ESR1: variants seen among roughly 807,000 people sequenced by gnomAD.
ESR1 encodes estrogen receptor 1, also known as estrogen receptor.
Under a neutral mutation model 52.7 loss-of-function variants are expected in ESR1, and 12 were observed. That is an observed-to-expected ratio of 0.23 (90% CI 0.15 to 0.37). ESR1 has a LOEUF of 0.37. ESR1 is among the 10% of genes least tolerant of loss of function. The pLI, the probability that ESR1 is intolerant of heterozygous loss-of-function variation, is 1.00. For synonymous variants in ESR1, 305 were observed against 316.8 expected, an observed-to-expected ratio of 0.96 and a Z score of 0.39; for missense variants, 584 against 779.7, an observed-to-expected ratio of 0.75 and a Z score of 2.99.
At chr6:151,729,988 A>G (rs1176962251) in intron 2 of ESR1, among the ~76,000 whole-genome samples, 1 of 152,162 alleles carries the variant, frequency 6.6e-6, no homozygotes, top group Non-Finnish European at 1.5e-5. Context: ...GCATCACCTT[A>G]GTCTTGGTCT....
rs974180516 is a variant in ESR1, at chr6:151,843,826, G to T, written c.643+1039G>T. 2.0e-5 allele frequency among the ~76,000 whole-genome samples: 3 copies of T among 151,900 alleles called. No individual in the cohort carries two copies. In the South Asian group the frequency reaches 6.2e-4, roughly 32 times the overall value. Reference sequence around the variant, plus strand: ...AAGAAGTGATTCTCATGGACTTTCTGTGATAGCTCTTTCCTGCCCTGATAT... The same window carrying T: ...AAGAAGTGATTCTCATGGACTTTCTTTGATAGCTCTTTCCTGCCCTGATAT... On this transcript the variant is annotated intron_variant, in intron 2 of 7. Coordinates refer to ENST00000206249, the MANE Select transcript of ESR1 (RefSeq NM_000125.4).
intron 3 of ESR1, among the ~76,000 whole-genome samples, chr6:151,942,174 A>G (rs2035148176): frequency 6.6e-6 from 1 of 152,228 alleles, no homozygotes; most frequent in South Asian, 2.1e-4. Context: ...ATCCAGGACA[A>G]TGGCTGGTCA....
chr6:151,826,670 C>T (rs1037951630), intron 1 of ESR1, among the ~76,000 whole-genome samples: 1 of 152,202 alleles, frequency 6.6e-6, no homozygotes, highest in African/African-American at 2.4e-5. Flanking sequence ...GCTCTTACCT[C>T]ACTCTGTTGA....
intron 2 of ESR1, among the ~76,000 whole-genome samples, chr6:151,859,866 G>A (rs1162478546): frequency 6.6e-6 from 1 of 152,112 alleles, no homozygotes; most frequent in Non-Finnish European, 1.5e-5. Flanking sequence ...TACTATGTTT[G>A]ATGTCTCTGA....
intron 1 of ESR1, among the ~76,000 whole-genome samples, chr6:151,699,914 A>G (rs73005768): frequency 0.023 from 3,462 of 152,286 alleles, 60 homozygotes; most frequent in Non-Finnish European, 0.037. Flanking sequence ...CAGATAATAT[A>G]TAACCAGAAA....
upstream of ESR1, chr6:151,807,638 GC>G (rs1778090552): frequency 1.7e-6 from 1 of 575,934 alleles, no homozygotes; most frequent in African/African-American, 1.9e-5. Context: ...ATGCATATGA[GC>G]TCGGGAGACC....
intron 4 of ESR1, among the ~76,000 whole-genome samples, chr6:152,004,214 G>A (rs2042166881): frequency 6.6e-6 from 1 of 152,018 alleles, no homozygotes; most frequent in South Asian, 2.1e-4. Context: ...GTGCACATGA[G>A]CTGATGTCCA....
At chr6:152,078,630 G>A (rs1260142264) in intron 6 of ESR1, among the ~76,000 whole-genome samples, 1 of 152,108 alleles carries the variant, frequency 6.6e-6, no homozygotes, top group Non-Finnish European at 1.5e-5. Flanking sequence ...TTGGACAGTG[G>A]GTGCAGCCCA....
At chr6:151,881,979 G>A (rs1326321418) in intron 3 of ESR1, among the ~76,000 whole-genome samples, 1 of 152,006 alleles carries the variant, frequency 6.6e-6, no homozygotes, top group African/African-American at 2.4e-5. Flanking sequence ...AGGGAGGGAA[G>A]GGCTGATGAT....
intron 3 of ESR1, among the ~76,000 whole-genome samples, chr6:151,899,762 C>A (rs1343293075): frequency 6.8e-6 from 1 of 147,742 alleles, no homozygotes; most frequent in Non-Finnish European, 1.5e-5. Flanking sequence ...CCAGACGGGG[C>A]GGCAGGGCAG....
intron 3 of ESR1, among the ~76,000 whole-genome samples, chr6:151,930,485 ACTATAATCACCTATACATTGCTG>A (rs2033431423): frequency 6.6e-6 from 1 of 152,182 alleles, no homozygotes; most frequent in South Asian, 2.1e-4. Flanking sequence ...TTACCTATAT[ACTATAATCACCTATACATTGCTG>A]CTATTATGAT....
intron 1 of ESR1, among the ~76,000 whole-genome samples, chr6:151,694,014 CA>C (rs1421466070): frequency 6.6e-6 from 1 of 152,192 alleles, no homozygotes; most frequent in Non-Finnish European, 1.5e-5. Context: ...GTAATAATAA[CA>C]ACTATAGTAG....
At chr6:151,681,208 A>T (rs1188362209) in intron 1 of ESR1, among the ~76,000 whole-genome samples, 1 of 152,196 alleles carries the variant, frequency 6.6e-6, no homozygotes, top group Non-Finnish European at 1.5e-5. Context: ...TTGTTTGCAC[A>T]TCCCTGTGAA....
At chr6:151,715,246 C>T (rs544486937) in intron 2 of ESR1, among the ~76,000 whole-genome samples, 1 of 152,198 alleles carries the variant, frequency 6.6e-6, no homozygotes, top group Non-Finnish European at 1.5e-5. Context: ...GTAACACGAC[C>T]TTTCTCTCTG....
intron 2 of ESR1, among the ~76,000 whole-genome samples, chr6:151,764,114 A>C (rs1784862108): frequency 6.6e-6 from 1 of 151,962 alleles, no homozygotes; most frequent in Admixed American, 6.6e-5. Flanking sequence ...AAGTAGGGCG[A>C]CCAACCGGCC....
At chr6:152,115,986 T>G (rs2051205937) in intron 6 of ESR1, among the ~76,000 whole-genome samples, 1 of 152,176 alleles carries the variant, frequency 6.6e-6, no homozygotes. Context: ...TTTTTAAAAG[T>G]TTCCTGAGAG....
intron 3 of ESR1, among the ~76,000 whole-genome samples, chr6:151,912,429 T>C (rs1488425255): frequency 6.6e-6 from 1 of 152,200 alleles, no homozygotes; most frequent in Non-Finnish European, 1.5e-5. Flanking sequence ...GCAGGGACCA[T>C]TTAAAAACAA....
downstream of ESR1, among the ~76,000 whole-genome samples, chr6:152,104,909 GC>G: frequency 6.6e-6 from 1 of 152,244 alleles, no homozygotes; most frequent in Non-Finnish European, 1.5e-5. Flanking sequence ...CTGGAGAGGG[GC>G]TGATGGTTGA....
intron 5 of ESR1, among the ~76,000 whole-genome samples, chr6:152,047,306 T>C (rs1485428400): frequency 6.6e-6 from 1 of 152,072 alleles, no homozygotes; most frequent in African/African-American, 2.4e-5. Context: ...CAATTCTAAC[T>C]GAGTGAATGA....
Sources: allele counts gnomAD v4.1 joint callset (sites outside exome capture counted in the v4.1 genomes callset), GRCh38; gene constraint gnomAD v4.1.1; transcripts MANE v1.5; gene names NCBI Gene and HGNC (gene_info 2026-07-23, HGNC 2026-07-21).